WWOX: variants seen among roughly 807,000 people sequenced by gnomAD.
The protein encoded by WWOX is WW domain-containing oxidoreductase.
Under a neutral mutation model 46.2 loss-of-function variants are expected in WWOX, and 69 were observed. That is an observed-to-expected ratio of 1.49 (90% confidence interval 1.23 to 1.82). WWOX has a LOEUF of 1.82. Among genes scored for constraint, WWOX ranks in the 40% most tolerant of loss-of-function variants. The probability of loss-of-function intolerance (pLI) is 0.00; values close to 1 mark genes in which losing one functional copy is unlikely to be tolerated. For missense variants in WWOX, 919 were observed against 542.6 expected, an observed-to-expected ratio of 1.69 and a Z score of -6.89; for synonymous variants, 359 against 202.6, an observed-to-expected ratio of 1.77 and a Z score of -6.56.
intron 5 of WWOX, among the ~76,000 whole-genome samples, chr16:78,298,746 G>A (rs560640781): frequency 3.8e-4 from 57 of 150,044 alleles, no homozygotes; most frequent in African/African-American, 1.1e-3. Context: ...AGCCAAGATC[G>A]CACCATTGCA....
intron 5 of WWOX, among the ~76,000 whole-genome samples, chr16:78,187,955 G>A (rs559484724): frequency 6.6e-6 from 1 of 152,200 alleles, no homozygotes; most frequent in Non-Finnish European, 1.5e-5. Context: ...ATTTCCATTA[G>A]GTATTATGGA....
intron 5 of WWOX, among the ~76,000 whole-genome samples, chr16:78,194,587 C>CAA (rs368008924): frequency 0.2 from 19,923 of 98,110 alleles, 1,902 homozygotes; most frequent in East Asian, 0.37. Flanking sequence ...GACTCCATCT[C>CAA]AAAAAAAAAA....
intron 8 of WWOX, among the ~76,000 whole-genome samples, chr16:78,704,409 C>T (rs1281598494): frequency 1.3e-5 from 2 of 152,232 alleles, no homozygotes; most frequent in East Asian, 1.9e-4. Flanking sequence ...ATATAATGCA[C>T]AATACATGTA....
chr16:78,990,193 A>C (rs2046858802), intron 8 of WWOX, among the ~76,000 whole-genome samples: 1 of 151,160 alleles, frequency 6.6e-6, no homozygotes, highest in Non-Finnish European at 1.5e-5. Flanking sequence ...CACCAAAAAA[A>C]AAAAAAAAAG....
rs1219018398 is a variant in WWOX at position 78,349,090 on chromosome 16, A to C, written c.517-37770A>C. 1.7e-5 allele frequency among the ~76,000 whole-genome samples: 2 copies of C among 120,246 alleles called. 1 individual carries two copies. The highest frequency in any genetic ancestry group is 1.6e-4 in the Admixed American group (2 of 12,362). The allele number at this position is 120,246 out of a possible 152,430, so 78.9% of individuals were successfully genotyped here. A position where few individuals can be genotyped will look rare whatever the true frequency, so the allele number is the denominator to read the frequency against. ...TGTGGAGCCTAGAATTCCAAGGTCA[A>C]GGTTCCGGCACAGTTGATGTCTTCT... On this transcript the variant is annotated intron_variant, in intron 5 of 8. Coordinates refer to ENST00000566780, the MANE Select transcript of WWOX (RefSeq NM_016373.4).
At position 78,338,283 on chromosome 16, in the gene WWOX, G is replaced by A. The variant is rs1315571769; in HGVS notation, c.517-48577G>A. ...GCCTGATACTGCCTAGTGAGCAGGTGGAAATGTAGACACCAACACCCTCAT... is the reference window on the plus strand; with the variant it reads ...GCCTGATACTGCCTAGTGAGCAGGTAGAAATGTAGACACCAACACCCTCAT... On this transcript the variant is annotated intron_variant, in intron 5 of 8. Coordinates refer to ENST00000566780, the MANE Select transcript of WWOX (RefSeq NM_016373.4). Among the ~76,000 whole-genome samples, 5 of 121,304 alleles carry A rather than the reference G, an allele frequency of 4.1e-5. 2 individuals are homozygous for A. The highest frequency in any genetic ancestry group is 8.0e-5 in the Admixed American group (1 of 12,424). 79.6% of individuals were successfully genotyped at this position (121,304 alleles called of 152,430 possible). A position where few individuals can be genotyped will look rare whatever the true frequency, so the allele number is the denominator to read the frequency against.
At chr16:78,543,092 T>A (rs925842753) in intron 8 of WWOX, among the ~76,000 whole-genome samples, 24 of 152,238 alleles carry the variant, frequency 1.6e-4, no homozygotes, top group African/African-American at 5.8e-4. Flanking sequence ...TTCTTGCTCA[T>A]ACGACATGTC....
intron 8 of WWOX, chr16:78,535,638 G>T (rs1024763209): frequency 6.6e-6 from 1 of 152,192 alleles, no homozygotes; most frequent in African/African-American, 2.4e-5. Context: ...CTGACTGTTA[G>T]TGAATAAAGG....
chr16:78,484,756 G>A (rs142037652), intron 8 of WWOX, among the ~76,000 whole-genome samples: 88 of 152,260 alleles, frequency 5.8e-4, no homozygotes, highest in Non-Finnish European at 9.6e-4. Context: ...GGACCAAATT[G>A]TGTCAGCCTG....
intron 5 of WWOX, among the ~76,000 whole-genome samples, chr16:78,225,812 C>T (rs1423815787): frequency 6.6e-6 from 1 of 151,934 alleles, no homozygotes; most frequent in African/African-American, 2.4e-5. Flanking sequence ...ACATGGCATC[C>T]CATGTTTTAG....
rs2045658619 is a variant in WWOX at position 78,602,973 on chromosome 16, T to G, written c.1056+170221T>G. On this transcript the variant is annotated intron_variant, in intron 8 of 8. Transcript: ENST00000566780. ...TTTCCATCTCCCTGATCAGAACCAT[T>G]CTGCGTTCTTAGATTCAACAAAATG... 1.3e-5 allele frequency among the ~76,000 whole-genome samples: 2 copies of G among 152,240 alleles called. 1 individual carries two copies. Among genetic ancestry groups the G allele is most frequent in the South Asian group, 4.1e-4 (2 of 4,836 alleles).
At chr16:79,017,516 A>G (rs2047442272) in intron 8 of WWOX, 1 of 149,132 alleles carries the variant, frequency 6.7e-6, no homozygotes, top group Non-Finnish European at 1.5e-5. Flanking sequence ...CTGTTTTTAT[A>G]AAGGACCAGA....
chr16:78,135,292 C>G (rs1247627337), intron 4 of WWOX, among the ~76,000 whole-genome samples: 2 of 152,196 alleles, frequency 1.3e-5, no homozygotes, highest in Non-Finnish European at 2.9e-5. Context: ...GACACTAGAG[C>G]TCTACTGTGG....
intron 8 of WWOX, among the ~76,000 whole-genome samples, chr16:78,636,072 G>C (rs2046560697): frequency 6.6e-6 from 1 of 152,150 alleles, no homozygotes; most frequent in Admixed American, 6.5e-5. Flanking sequence ...TCCTAGGAGA[G>C]ACATCTGCAC....
At chr16:79,073,018 C>G (rs922229934) in intron 8 of WWOX, among the ~76,000 whole-genome samples, 2 of 152,104 alleles carry the variant, frequency 1.3e-5, no homozygotes, top group African/African-American at 2.4e-5. Context: ...TTCATCAGCA[C>G]ACCCATATCT....
chr16:78,121,121 T>C (rs2151683042), intron 4 of WWOX, among the ~76,000 whole-genome samples: 2 of 152,338 alleles, frequency 1.3e-5, no homozygotes, highest in Middle Eastern at 6.8e-3. Flanking sequence ...TTAGTTTCCT[T>C]TCTGATTGTT....
chr16:78,675,576 C>T (rs2047577040), intron 8 of WWOX, among the ~76,000 whole-genome samples: 1 of 152,142 alleles, frequency 6.6e-6, no homozygotes, highest in Non-Finnish European at 1.5e-5. Flanking sequence ...GTGATGGCTC[C>T]ACAGAGCAGT....
At chr16:78,315,437 T>C (rs2080339128) in intron 5 of WWOX, among the ~76,000 whole-genome samples, 1 of 152,022 alleles carries the variant, frequency 6.6e-6, no homozygotes, top group African/African-American at 2.4e-5. Flanking sequence ...TCACTTGAGG[T>C]TAGGAGTTCG....
At chr16:78,491,573 C>T (rs1472696747) in intron 8 of WWOX, among the ~76,000 whole-genome samples, 3 of 152,154 alleles carry the variant, frequency 2.0e-5, no homozygotes, top group Non-Finnish European at 4.4e-5. Flanking sequence ...AGTGATCCTC[C>T]TACCTCAGCC....
Sources: allele counts gnomAD v4.1 joint callset (sites outside exome capture counted in the v4.1 genomes callset), GRCh38; gene constraint gnomAD v4.1.1; transcripts MANE v1.5; gene names NCBI Gene and HGNC (gene_info 2026-07-23, HGNC 2026-07-21).